PUM1: variants seen among roughly 807,000 people sequenced by gnomAD.
The protein encoded by PUM1 is pumilio homolog 1.
A neutral mutation model predicts 131.8 loss-of-function variants in PUM1; 13 were observed. The ratio of observed to expected loss-of-function variants is 0.10; its 90% CI spans 0.06 to 0.16. PUM1 has a LOEUF of 0.16. Among genes scored for constraint, PUM1 ranks in the 10% least tolerant of loss-of-function variants. The pLI, the probability that PUM1 is intolerant of heterozygous loss-of-function variation, is 1.00. For missense variants in PUM1, 961 were observed against 1,512.4 expected (o/e 0.64, Z 6.05); for synonymous variants, 509 against 556.5 (o/e 0.91, Z 1.20).
Position 31,065,626 on chromosome 1 carries a change from G to A in PUM1, c.-22C>T. The A allele has an allele frequency of 6.5e-7, 1 of 1,548,206 alleles. No homozygotes were observed. Among genetic ancestry groups the A allele is most frequent in the Non-Finnish European group, 8.7e-7 (1 of 1,146,726 alleles). ...GGTGCGGATACTCACGGGCGGAGCG[G>A]TAGGATGAAGATGGATTTCAGCCCC... On this transcript the variant is annotated 5_prime_UTR_variant, in exon 1 of 22. Transcript: ENST00000426105.
At chr1:31,042,821 G>A (rs1202962025) in intron 2 of PUM1, among the ~76,000 whole-genome samples, 1 of 152,206 alleles carries the variant, frequency 6.6e-6, no homozygotes, top group Non-Finnish European at 1.5e-5. Flanking sequence ...CTGGAGTGCA[G>A]TAGCACGACG....
At chr1:31,064,918 T>A (rs1008700565) in intron 1 of PUM1, among the ~76,000 whole-genome samples, 1 of 151,894 alleles carries the variant, frequency 6.6e-6, no homozygotes, top group Admixed American at 6.6e-5. Flanking sequence ...ATTTTCCTAC[T>A]AGCAAGGGGT....
chr1:30,942,796 A>G (rs1639510358), intron 18 of PUM1, among the ~76,000 whole-genome samples: 1 of 152,200 alleles, frequency 6.6e-6, no homozygotes, highest in Admixed American at 6.5e-5. Context: ...TTTTGGAGAC[A>G]AGGCTGGAGC....
intron 3 of PUM1, among the ~76,000 whole-genome samples, chr1:31,020,141 A>G (rs1181246731): frequency 1.3e-5 from 2 of 152,056 alleles, no homozygotes; most frequent in East Asian, 3.9e-4. Flanking sequence ...TTTAGTTCCC[A>G]CTTACAAGTG....
intron 20 of PUM1, among the ~76,000 whole-genome samples, chr1:30,940,025 T>C (rs1639378477): frequency 6.6e-6 from 1 of 152,172 alleles, no homozygotes; most frequent in African/African-American, 2.4e-5. Flanking sequence ...TCCTCAGTCC[T>C]GGCAACCGGT....
chr1:30,968,648 A>G (rs186328578), intron 10 of PUM1, among the ~76,000 whole-genome samples, 156 bp from the exon 11 acceptor site: 6 of 152,242 alleles, frequency 3.9e-5, no homozygotes, highest in Admixed American at 1.3e-4. Flanking sequence ...AATTCAATTA[A>G]TAACATTTCA....
rs116091883 is a variant in PUM1 at position 31,027,770 on chromosome 1, T to C, written c.432+1026A>G. 5.2e-3 allele frequency among the ~76,000 whole-genome samples: 794 copies of C among 152,344 alleles called. 6 individuals are homozygous for C. The highest frequency in any genetic ancestry group is 0.018 in the African/African-American group (734 of 41,576). On this transcript the variant is annotated intron_variant, in intron 3 of 21. Coordinates refer to ENST00000426105, the MANE Select transcript of PUM1 (RefSeq NM_001020658.2). Reference sequence around the variant, plus strand: ...TTCAAACTCAGAAGAGTAATTATCCTAATTTTGACCTCAGAACCTAGCACA... The same window carrying C: ...TTCAAACTCAGAAGAGTAATTATCCCAATTTTGACCTCAGAACCTAGCACA...
intron 2 of PUM1, among the ~76,000 whole-genome samples, chr1:31,041,915 G>C (rs1164535379): frequency 6.6e-6 from 1 of 151,946 alleles, no homozygotes; most frequent in Non-Finnish European, 1.5e-5. Flanking sequence ...GTACTGAGTG[G>C]CTCAAATCAT....
intron 16 of PUM1, among the ~76,000 whole-genome samples, chr1:30,952,004 C>T (rs746961282): frequency 3.3e-5 from 5 of 152,120 alleles, no homozygotes; most frequent in South Asian, 2.1e-4. Context: ...CACCAGTTTT[C>T]GAAACACATT....
At chr1:31,024,150 C>A (rs552298962) in intron 3 of PUM1, among the ~76,000 whole-genome samples, 1 of 152,066 alleles carries the variant, frequency 6.6e-6, no homozygotes, top group South Asian at 2.1e-4. Flanking sequence ...CTTTGTCTTA[C>A]GGGTAGAAAA....
Position 31,053,476 on chromosome 1 carries a change from C to CT in PUM1, c.363+5727dup, listed in dbSNP as rs781031239. On this transcript the variant is annotated intron_variant, in intron 2 of 21. Coordinates refer to ENST00000426105, the MANE Select transcript of PUM1 (RefSeq NM_001020658.2). ...CTGTAATCCCAGCACTTTGGGAGGC[C>CT]TTTTTTTTTTTTTGAGACAGGGTCT... 2.3e-3 allele frequency among the ~76,000 whole-genome samples: 325 copies of CT among 139,250 alleles called. 1 individual carries two copies. Among genetic ancestry groups the CT allele is most frequent in the Middle Eastern group, 7.4e-3 (2 of 272 alleles). 91.4% of individuals were successfully genotyped at this position (139,250 alleles called of 152,430 possible).
chr1:30,966,928 C>T (rs1640645806), intron 12 of PUM1, among the ~76,000 whole-genome samples: 1 of 152,046 alleles, frequency 6.6e-6, no homozygotes, highest in Admixed American at 6.5e-5. Flanking sequence ...GGAGCCAGAC[C>T]TTCAGACCTT....
intron 2 of PUM1, among the ~76,000 whole-genome samples, chr1:31,041,139 A>G (rs374317190): frequency 2.6e-5 from 4 of 152,258 alleles, no homozygotes; most frequent in South Asian, 4.1e-4. Context: ...TATCAACCAC[A>G]GAAACAGAAT....
At chr1:30,991,069 T>G (rs895890957) in intron 7 of PUM1, among the ~76,000 whole-genome samples, 1 of 124,636 alleles carries the variant, frequency 8.0e-6, no homozygotes, top group African/African-American at 3.8e-5. Context: ...AAAGAACAGT[T>G]TAAAAAAAAA....
At position 31,065,609 on chromosome 1, in the gene PUM1, T is replaced by C; in HGVS notation, c.-12+7A>G. Reference sequence around the variant, plus strand: ...GCGTTTGGGGCCGGTGGGGTGCGGATACTCACGGGCGGAGCGGTAGGATGA... The same window carrying C: ...GCGTTTGGGGCCGGTGGGGTGCGGACACTCACGGGCGGAGCGGTAGGATGA... On this transcript the variant is annotated splice_region_variant and intron_variant, in intron 1 of 21. Transcript: ENST00000426105. 1 of 1,545,848 alleles carries C rather than the reference T, an allele frequency of 6.5e-7. No homozygotes were observed.
intron 17 of PUM1, among the ~76,000 whole-genome samples, chr1:30,949,788 T>C (rs1369389545): frequency 3.9e-5 from 6 of 151,962 alleles, no homozygotes; most frequent in African/African-American, 1.5e-4. Flanking sequence ...GGAAGGTGGG[T>C]TGGATGAAAG....
At position 30,966,025 on chromosome 1, in the gene PUM1, G is replaced by A. The variant is rs10798816; in HGVS notation, c.2043C>T (p.Leu681=). 19,775 of 1,614,152 alleles carry A rather than the reference G, an allele frequency of 0.012. 171 individuals are homozygous for A. Among genetic ancestry groups the A allele is most frequent in the Non-Finnish European group, 0.015 (18,112 of 1,180,000 alleles). Residue 681 remains leucine, a synonymous_variant, in exon 13 of 22, where the codon CTC becomes CTT. Transcript: ENST00000426105. Reference sequence around the variant, plus strand: ...CAAGGGCGGATCCCAGGGTGGCGCCGAGAGAACTGCTACTTCCGAATCCCA... The same window carrying A: ...CAAGGGCGGATCCCAGGGTGGCGCCAAGAGAACTGCTACTTCCGAATCCCA... The part of the protein sequence containing the change: ...TSLGFGSSSS[L]GATLGSALGG...
At chr1:30,952,933 G>A (rs140593388) in intron 15 of PUM1, among the ~76,000 whole-genome samples, 1,563 of 151,910 alleles carry the variant, frequency 0.01, 11 homozygotes, top group East Asian at 0.032. Flanking sequence ...CCAAGATTGC[G>A]CCACTGCACT....
chr1:31,057,405 CAAAAAAAAAAAAAAAAA>C (rs1644265672), intron 2 of PUM1, among the ~76,000 whole-genome samples: 1 of 68,758 alleles, frequency 1.5e-5, no homozygotes, highest in African/African-American at 6.1e-5. Context: ...GACCTTGTCT[CAAAAAAAAAAAAAAAAA>C]GAAAAAGAAA....
Sources: gnomAD v4.1 joint callset for allele counts (sites outside exome capture counted in the v4.1 genomes callset) on GRCh38, gnomAD v4.1.1 for gene constraint, MANE v1.5 for transcripts, NCBI Gene and HGNC (gene_info 2026-07-23, HGNC 2026-07-21) for gene names.